The following F11R variants were observed in gnomAD, a reference collection of about 807,000 sequenced individuals.
The protein encoded by F11R is F11 receptor, also known as junctional adhesion molecule A.
F11R carries 27 observed loss-of-function variants against 39.3 expected under a neutral mutation model. The ratio of observed to expected loss-of-function variants is 0.69; its 90% CI spans 0.51 to 0.95. F11R has a LOEUF of 0.95. Among genes scored for constraint, F11R ranks in the 40% least tolerant of loss-of-function variants. F11R has a pLI of 0.00. For synonymous variants in F11R, 131 were observed against 144.9 expected, an observed-to-expected ratio of 0.90 and a Z score of 0.69; for missense variants, 335 against 372.7, an observed-to-expected ratio of 0.90 and a Z score of 0.83.
At position 160,999,654 on chromosome 1, in the gene F11R, C is replaced by A; in HGVS notation, c.788G>T (p.Arg263Leu). 6.2e-7 allele frequency: 1 copy of A among 1,614,116 alleles called. No individual in the cohort carries two copies. The highest frequency in any genetic ancestry group is 8.5e-7 in the Non-Finnish European group (1 of 1,179,992). Reference sequence around the variant, plus strand: ...CAGATACTTACTGTCAAAGTGGCCTCGGCTATAGGCAAACCAGATGCCAAA... The same window carrying A: ...CAGATACTTACTGTCAAAGTGGCCTAGGCTATAGGCAAACCAGATGCCAAA... ...LVFGIWFAYS[R>L]GHFDRTKKGT... Residue 263 changes from arginine (R) to leucine (L), a missense_variant, in exon 7 of 10, where the codon CGA (arginine) becomes CTA (leucine). Physicochemically the swap from Arg to Leu is moderately radical, Grantham distance 102. Transcript: ENST00000368026.
In F11R at chr1:160,995,840, TG is replaced by T. The variant is rs994765673; in HGVS notation, c.*3030del. The T allele has an allele frequency of 6.6e-6, 1 of 152,196 alleles. No individual in the cohort carries two copies. Among genetic ancestry groups the T allele is most frequent in the Non-Finnish European group, 1.5e-5 (1 of 68,020 alleles). 9.4% of individuals were successfully genotyped at this position (152,196 alleles called of 1,614,324 possible). On this transcript the variant is annotated 3_prime_UTR_variant, in exon 10 of 10. Coordinates refer to ENST00000368026, the MANE Select transcript of F11R (RefSeq NM_016946.6). ...AATGTATGTGCATATCAAACCATGT[TG>T]TATACTTTGAAGAAAATAAAAAAAC... is the stretch of plus-strand genomic sequence containing the variant.
chr1:161,009,941 C>CA (rs966403434), intron 1 of F11R, among the ~76,000 whole-genome samples: 2 of 146,620 alleles, frequency 1.4e-5, no homozygotes, highest in African/African-American at 2.5e-5. Flanking sequence ...GACTCTGTCT[C>CA]AAAAAAAAAG....
At chr1:161,006,901 A>C (rs1247778090) in intron 1 of F11R, among the ~76,000 whole-genome samples, 1 of 152,208 alleles carries the variant, frequency 6.6e-6, no homozygotes, top group Middle Eastern at 3.2e-3. Flanking sequence ...GCGGTGGCTC[A>C]TGCCTGTAAT....
At chr1:161,015,714 T>C (rs1649429276) in intron 1 of F11R, among the ~76,000 whole-genome samples, 1 of 151,454 alleles carries the variant, frequency 6.6e-6, no homozygotes, top group Non-Finnish European at 1.5e-5. Flanking sequence ...TATATATATA[T>C]AAGCAAGATG....
intron 1 of F11R, among the ~76,000 whole-genome samples, chr1:161,006,638 C>T (rs1648833877): frequency 6.6e-6 from 1 of 152,154 alleles, no homozygotes; most frequent in Non-Finnish European, 1.5e-5. Context: ...AATACACGAA[C>T]CTCCGCCTTA....
At chr1:160,999,016 A>AC in intron 9 of F11R, 27 bp downstream of exon 9, 1 of 1,614,018 alleles carries the variant, frequency 6.2e-7, no homozygotes, top group African/African-American at 1.3e-5. Flanking sequence ...CAGGTGGCCC[A>AC]CCCCTGCCCA....
chr1:161,003,461 CCA>C (rs1371214898), intron 1 of F11R, among the ~76,000 whole-genome samples: 2 of 152,088 alleles, frequency 1.3e-5, no homozygotes, highest in Non-Finnish European at 2.9e-5. Context: ...TGGGGTTTCA[CCA>C]CGTTGGCCAG....
In F11R at chr1:160,995,222, A is replaced by T. The variant is rs889946343; in HGVS notation, c.*3649T>A. ...TAAGCTGGAAAAGCTAAAGAATTGG[A>T]TATTTTTTAATGCAAATTGTTGTTT... On this transcript the variant is annotated 3_prime_UTR_variant, in exon 10 of 10. Coordinates refer to ENST00000368026, the MANE Select transcript of F11R (RefSeq NM_016946.6). 19 of 152,330 alleles carry T rather than the reference A, an allele frequency of 1.2e-4. No individual in the cohort carries two copies. Among genetic ancestry groups the T allele is most frequent in the Admixed American group, 3.9e-4 (6 of 15,272 alleles). 9.4% of individuals were successfully genotyped at this position (152,330 alleles called of 1,614,324 possible).
Position 161,000,316 on chromosome 1 carries a change from A to T in F11R, c.421T>A (p.Ser141Thr), listed in dbSNP as rs1328285207. ...GCCCGGTTCCCAATGGTGGCAGAGGAGGGGATGTTAACTGTAGGCTTGGAT... is the reference window on the plus strand; with the variant it reads ...GCCCGGTTCCCAATGGTGGCAGAGGTGGGGATGTTAACTGTAGGCTTGGAT... Reference protein sequence around the residue: ...PPSKPTVNIPSSATIGNRAVL... With the variant: ...PPSKPTVNIPTSATIGNRAVL... The change falls in exon 5 of 10, where the codon TCC (serine) becomes ACC (threonine). Residue 141 changes from serine to threonine, a missense_variant. Physicochemically the swap from Ser to Thr is moderately conservative, Grantham distance 58. Transcript: ENST00000368026. The T allele has an allele frequency of 3.7e-6, 6 of 1,614,012 alleles. No individual in the cohort carries two copies. The highest frequency in any genetic ancestry group is 5.1e-6 in the Non-Finnish European group (6 of 1,180,018).
chr1:161,020,271 GCT>G (rs772616856), intron 1 of F11R, among the ~76,000 whole-genome samples: 6 of 152,232 alleles, frequency 3.9e-5, no homozygotes, highest in Non-Finnish European at 7.4e-5. Flanking sequence ...CAGAGCTCTG[GCT>G]CTGATGAGAA....
chr1:160,999,320 T>C (rs2297222), intron 8 of F11R, 76 bp downstream of exon 8: 419,608 of 1,595,310 alleles, frequency 0.26, 58,316 homozygotes, highest in Non-Finnish European at 0.28. Flanking sequence ...CCCATTCCCC[T>C]AGGCCCACTT....
At chr1:161,018,979 T>C (rs1397118320) in intron 1 of F11R, among the ~76,000 whole-genome samples, 1 of 152,006 alleles carries the variant, frequency 6.6e-6, no homozygotes, top group East Asian at 1.9e-4. Flanking sequence ...ATAAATAATA[T>C]AGGAAATTAG....
At chr1:161,014,118 T>C (rs1649320354) in intron 1 of F11R, among the ~76,000 whole-genome samples, 1 of 152,188 alleles carries the variant, frequency 6.6e-6, no homozygotes, top group African/African-American at 2.4e-5. Flanking sequence ...CACACAATAG[T>C]GAAACCTCAT....
intron 1 of F11R, among the ~76,000 whole-genome samples, chr1:161,012,596 TTAATTTTA>T (rs1446000953): frequency 8.3e-6 from 1 of 120,654 alleles, no homozygotes; most frequent in African/African-American, 3.3e-5. Context: ...TTTGAATTAA[TTAATTTTA>T]TTTATTTATT....
At chr1:161,010,595 G>T (rs1649096641) in intron 1 of F11R, among the ~76,000 whole-genome samples, 1 of 152,126 alleles carries the variant, frequency 6.6e-6, no homozygotes, top group Non-Finnish European at 1.5e-5. Context: ...TCAAGATCCT[G>T]TTCAAATGTC....
chr1:161,007,077 AG>A (rs760882453), intron 1 of F11R, among the ~76,000 whole-genome samples: 3 of 152,022 alleles, frequency 2.0e-5, no homozygotes, highest in Non-Finnish European at 4.4e-5. Flanking sequence ...AGGCTGAGGC[AG>A]GAGAATCGCT....
At chr1:161,000,820 G>A in intron 3 of F11R, 43 bp from the exon 4 acceptor site, 2 of 1,611,580 alleles carry the variant, frequency 1.2e-6, no homozygotes, top group Non-Finnish European at 1.7e-6. Context: ...GTGAACTGGA[G>A]AGCTAAGGGA....
chr1:161,002,293 G>T (rs1049932501), intron 1 of F11R, among the ~76,000 whole-genome samples: 1 of 150,496 alleles, frequency 6.6e-6, no homozygotes, highest in East Asian at 1.9e-4. Context: ...ACACACAACT[G>T]GTTCTGAGGT....
chr1:161,009,019 G>A (rs1351651392), intron 1 of F11R, among the ~76,000 whole-genome samples: 1 of 152,084 alleles, frequency 6.6e-6, no homozygotes, highest in African/African-American at 2.4e-5. Context: ...CCACTCTACT[G>A]TTGCAATTTA....
Sources: gnomAD v4.1 joint callset for allele counts (sites outside exome capture counted in the v4.1 genomes callset) on GRCh38, gnomAD v4.1.1 for gene constraint, MANE v1.5 for transcripts, NCBI Gene and HGNC (gene_info 2026-07-23, HGNC 2026-07-21) for gene names.